The following CSPG4 variants were observed in gnomAD, a reference collection of about 807,000 sequenced individuals.
CSPG4 encodes chondroitin sulfate proteoglycan 4 (melanoma-associated).
Under a neutral mutation model 139.3 loss-of-function variants are expected in CSPG4, and 74 were observed. The ratio of observed to expected loss-of-function variants is 0.53; its 90% CI spans 0.44 to 0.64. The LOEUF (loss-of-function observed/expected upper bound fraction) is 0.64. Ranked by LOEUF, CSPG4 falls within the 30% of genes least tolerant of loss-of-function variation. The pLI is 0.00. For missense variants in CSPG4, 2,565 were observed against 3,148.3 expected (o/e 0.81, Z 4.43); for synonymous variants, 1,234 against 1,394.2 (o/e 0.89, Z 2.56).
At chr15:75,705,235 C>G (rs879486924) in intron 1 of CSPG4, among the ~76,000 whole-genome samples, 3 of 152,220 alleles carry the variant, frequency 2.0e-5, no homozygotes, top group Non-Finnish European at 4.4e-5. Context: ...CCCCTCCCAC[C>G]TTCTGAAGGG....
At position 75,688,811 on chromosome 15, in the gene CSPG4, C is replaced by G; in HGVS notation, c.2254G>C (p.Ala752Pro). Reference protein sequence around the residue: ...RYLSTDPQHHAYDTVENLALE... With the variant: ...RYLSTDPQHHPYDTVENLALE... ...GCCAGGTTCTCCACGGTGTCGTAAG[C>G]GTGGTGCTGTGGGTCAGTGCTCAGG... Residue 752 changes from alanine to proline, a missense_variant, in exon 3 of 10, where the codon GCT becomes CCT. Coordinates refer to ENST00000308508, the MANE Select transcript of CSPG4 (RefSeq NM_001897.5). The G allele has an allele frequency of 5.6e-6, 9 of 1,612,918 alleles. No homozygotes were observed. Among genetic ancestry groups the G allele is most frequent in the Non-Finnish European group, 7.6e-6 (9 of 1,179,950 alleles).
rs1157394691 is a variant in CSPG4, at chr15:75,682,321, T to G, written c.4922A>C (p.Glu1641Ala). ...LFHAQQDSTG[E>A]ALVNFTQAEV... ...TGCCTGAGTGAAGTTCACCAGGGCCTCCCCTGTGCTGTCCTGCTGGGCGTG... is the reference window on the plus strand; with the variant it reads ...TGCCTGAGTGAAGTTCACCAGGGCCGCCCCTGTGCTGTCCTGCTGGGCGTG... Residue 1641 changes from glutamate to alanine, a missense_variant, in exon 8 of 10, where the codon GAG becomes GCG. By Grantham distance (107) the Glu-to-Ala change is moderately radical. Around this residue, in one of 5 missense-constraint regions of CSPG4, gnomAD observed 2,316 missense variants for 2,818.2 expected, o/e 0.82. Coordinates refer to ENST00000308508, the MANE Select transcript of CSPG4 (RefSeq NM_001897.5). 1 of 1,596,648 alleles carries G rather than the reference T, an allele frequency of 6.3e-7. No homozygotes were observed. Among genetic ancestry groups the G allele is most frequent in the South Asian group, 1.1e-5 (1 of 91,004 alleles).
In CSPG4 at chr15:75,687,717, C is replaced by T. The variant is rs1253961728; in HGVS notation, c.3348G>A (p.Ala1116=). Reference sequence around the variant, plus strand: ...GTTCCGAGGCCTGCACCTCCAGCAGCGCAGTGGCCTGGTGTTGCCCGTCGG... The same window carrying T: ...GTTCCGAGGCCTGCACCTCCAGCAGTGCAGTGGCCTGGTGTTGCCCGTCGG... ...QVSDGQHQAT[A]LLEVQASEPY... is the part of the protein sequence containing the mutation. The change falls in exon 3 of 10, where the codon GCG becomes GCA. Residue 1116 remains alanine, a synonymous_variant. Coordinates refer to ENST00000308508, the MANE Select transcript of CSPG4 (RefSeq NM_001897.5). The surrounding 1 kb of genome is among the most constrained non-coding windows in gnomAD (Gnocchi z 5.4). The T allele has an allele frequency of 8.1e-6, 13 of 1,612,760 alleles. No homozygotes were observed. Among genetic ancestry groups the T allele is most frequent in the Admixed American group, 3.3e-5 (2 of 60,004 alleles).
At chr15:75,682,796 C>T in intron 6 of CSPG4, 47 bp downstream of exon 6, 1 of 1,606,854 alleles carries the variant, frequency 6.2e-7, no homozygotes, top group Non-Finnish European at 8.5e-7. Context: ...CATCTCAGGG[C>T]ACCCCCGTGG....
intron 1 of CSPG4, among the ~76,000 whole-genome samples, chr15:75,705,727 G>A (rs1308587517): frequency 2.0e-5 from 3 of 152,164 alleles, no homozygotes; most frequent in Admixed American, 6.5e-5. Context: ...GGAGAGATGG[G>A]GCCTGGGTCA....
chr15:75,687,737 C>A lies in CSPG4; in HGVS notation c.3328G>T (p.Gly1110Trp), dbSNP rs753492681. 6.2e-7 allele frequency: 1 copy of A among 1,612,924 alleles called. No homozygotes were observed. Among genetic ancestry groups the A allele is most frequent in the Admixed American group, 1.7e-5 (1 of 60,016 alleles). The change falls in exon 3 of 10, where the codon GGG becomes TGG. Residue 1110 changes from glycine to tryptophan, a missense_variant. By Grantham distance (184) the Gly-to-Trp change is radical (BLOSUM62 -2). This residue lies in a region of CSPG4 where 2,316 missense variants were observed against 2,818.2 expected (regional missense o/e 0.82). Transcript: ENST00000308508. The surrounding 1 kb of genome is among the most constrained non-coding windows in gnomAD (Gnocchi z 5.4). ...RGWIQLQVSDGQHQATALLEV... is the reference protein window; with the variant it reads ...RGWIQLQVSDWQHQATALLEV... ...AGCAGCGCAGTGGCCTGGTGTTGCC[C>A]GTCGGACACCTGCAGCTGGATCCAG... is the stretch of plus-strand genomic sequence containing the variant.
At position 75,676,211 on chromosome 15, in the gene CSPG4, TCCGTCCTGGCTCGGGGCACGCGGAC is replaced by T; in HGVS notation, c.6283_6307del (p.Val2095SerfsTer113). ...CTCCACCAGCTGGCTGCCCCCGGGC[TCCGTCCTGGCTCGGGGCACGCGGAC>T]CACGCGGCCATGCCGGGGTCCCTCC... On this transcript the variant is annotated frameshift_variant, in exon 10 of 10. Coordinates refer to ENST00000308508, the MANE Select transcript of CSPG4 (RefSeq NM_001897.5). LOFTEE classifies it high-confidence loss of function. 1.9e-6 allele frequency: 3 copies of T among 1,551,958 alleles called. No homozygotes were observed. The highest frequency in any genetic ancestry group is 2.6e-6 in the Non-Finnish European group (3 of 1,155,534).
rs562888138 is a variant in CSPG4 at position 75,684,671 on chromosome 15, C to T, written c.4449+65G>A. On this transcript the variant is annotated intron_variant, in intron 5 of 9. Transcript: ENST00000308508. Reference sequence around the variant, plus strand: ...TCAGAGCTGGGGGAGCTCTGAGCCGCGAAGTAGGGGACGCTGGCCTCTTTC... The same window carrying T: ...TCAGAGCTGGGGGAGCTCTGAGCCGTGAAGTAGGGGACGCTGGCCTCTTTC... The T allele has an allele frequency of 1.2e-4, 188 of 1,513,130 alleles. 4 individuals carry two copies. In the South Asian group the frequency reaches 2.0e-3, roughly 16 times the overall value. The allele number at this position is 1,513,130 out of a possible 1,614,324, so 93.7% of individuals were successfully genotyped here.
At chr15:75,691,852 C>A (rs1453946502) in intron 2 of CSPG4, among the ~76,000 whole-genome samples, 1 of 152,136 alleles carries the variant, frequency 6.6e-6, no homozygotes, top group Non-Finnish European at 1.5e-5. Context: ...AGGGGTGTGG[C>A]ATCATTGTAC....
Position 75,689,760 on chromosome 15 carries a change from G to C in CSPG4, c.1305C>G (p.Ser435Arg), listed in dbSNP as rs566874013. ...FANFTQLLTI[S>R]PLVVAEGGTA... ...TGCCCCCCTCGGCCACCACCAGTGGGCTGATAGTCAGCAGCTGGGTGAAAT... is the reference window on the plus strand; with the variant it reads ...TGCCCCCCTCGGCCACCACCAGTGGCCTGATAGTCAGCAGCTGGGTGAAAT... Residue 435 changes from serine (S) to arginine (R), a missense_variant, in exon 3 of 10, where the codon AGC becomes AGG. Coordinates refer to ENST00000308508, the MANE Select transcript of CSPG4 (RefSeq NM_001897.5). 92 of 1,612,688 alleles carry C rather than the reference G, an allele frequency of 5.7e-5. No homozygotes were observed. The South Asian group carries it at 9.6e-4, about 17-fold the overall frequency.
At position 75,708,378 on chromosome 15, in the gene CSPG4, C is replaced by G. The variant is rs540580192; in HGVS notation, c.88+4290G>C. On this transcript the variant is annotated intron_variant, in intron 1 of 9. Coordinates refer to ENST00000308508, the MANE Select transcript of CSPG4 (RefSeq NM_001897.5). ...CAGCCCTACAGCTATCACCCTACAT[C>G]AGAGACAAAAGTGGCTTCATTGGCA... Among the ~76,000 whole-genome samples, 760 of 129,682 alleles carry G rather than the reference C, an allele frequency of 5.9e-3. 6 individuals carry two copies. Among genetic ancestry groups the G allele is most frequent in the African/African-American group, 0.021 (716 of 33,886 alleles). The allele number at this position is 129,682 out of a possible 152,430, so 85.1% of individuals were successfully genotyped here. A position where few individuals can be genotyped will look rare whatever the true frequency, so the allele number is the denominator to read the frequency against.
intron 4 of CSPG4, 89 bp from the exon 5 acceptor site, chr15:75,685,001 G>A (rs1317546600): frequency 1.4e-5 from 20 of 1,385,260 alleles, no homozygotes; most frequent in South Asian, 7.7e-5. Context: ...ACTCTTTTAG[G>A]GCTTCATTTT....
At position 75,696,137 on chromosome 15, in the gene CSPG4, A is replaced by G. The variant is rs995500080; in HGVS notation, c.89-2904T>C. On this transcript the variant is annotated intron_variant, in intron 1 of 9. Transcript: ENST00000308508. This position sits in a 1 kb window ranked among gnomAD's most constrained non-coding sequence, Gnocchi z 4.2. The stretch of plus-strand genomic sequence containing the variant: ...TGAGCCAGGAGAAGGGGCCCACTTC[A>G]GGCCTCAGTGTCACCATTCTGTAAA... Among the ~76,000 whole-genome samples, 2 of 152,174 alleles carry G rather than the reference A, an allele frequency of 1.3e-5. No homozygotes were observed. The highest frequency in any genetic ancestry group is 4.8e-5 in the African/African-American group (2 of 41,442).
chr15:75,683,797 C>T lies in CSPG4; in HGVS notation c.4450-756G>A, dbSNP rs550578797. Among the ~76,000 whole-genome samples the T allele has an allele frequency of 8.5e-5, 13 of 152,288 alleles. No homozygotes were observed. In the South Asian group the frequency reaches 1.7e-3, roughly 19 times the overall value. On this transcript the variant is annotated intron_variant, in intron 5 of 9. Coordinates refer to ENST00000308508, the MANE Select transcript of CSPG4 (RefSeq NM_001897.5). Reference sequence around the variant, plus strand: ...TTCTGGCATTCCTGGGCTTCCTCCCCCGGCCCCAGGGAGCCCTCAGGCCCA... The same window carrying T: ...TTCTGGCATTCCTGGGCTTCCTCCCTCGGCCCCAGGGAGCCCTCAGGCCCA...
In CSPG4 at chr15:75,687,918, CGA is replaced by C. The variant is rs755054012; in HGVS notation, c.3145_3146del (p.Ser1049GlyfsTer4). On this transcript the variant is annotated frameshift_variant, in exon 3 of 10. Transcript: ENST00000308508. LOFTEE classifies it high-confidence loss of function. The surrounding 1 kb of genome is among the most constrained non-coding windows in gnomAD (Gnocchi z 5.4). ...TDDVAFSDAD[S>X]GFADAQLVLT... ...GCACCAGCTGGGCGTCAGCAAAGCC[CGA>C]GTCAGCATCGCTGAAGGCCACGTCG... 5 of 1,612,834 alleles carry C rather than the reference CGA, an allele frequency of 3.1e-6. No homozygotes were observed. The highest frequency in any genetic ancestry group is 3.4e-6 in the Non-Finnish European group (4 of 1,180,052).
rs1340771628 is a variant in CSPG4, at chr15:75,682,365, G to C, written c.4878C>G (p.Pro1626=). The C allele has an allele frequency of 1.9e-6, 3 of 1,596,888 alleles. No homozygotes were observed. The highest frequency in any genetic ancestry group is 2.5e-6 in the Non-Finnish European group (3 of 1,179,912). The change falls in exon 8 of 10, where the codon CCC becomes CCG. Residue 1626 remains proline, a synonymous_variant. Transcript: ENST00000308508. ...QLLLYRVVRG[P]QLGRLFHAQQ... Reference sequence around the variant, plus strand: ...GGGCGTGGAACAGCCGGCCTAGCTGGGGGCCCCGCACCACACGGTAGAGCA... The same window carrying C: ...GGGCGTGGAACAGCCGGCCTAGCTGCGGGCCCCGCACCACACGGTAGAGCA...
At chr15:75,679,153 A>C in intron 8 of CSPG4, 1 of 183,526 alleles carries the variant, frequency 5.4e-6, no homozygotes, top group Non-Finnish European at 1.1e-5. Flanking sequence ...CCCCAGACTC[A>C]TGTTTCCAGC....
rs192226469 is a variant in CSPG4 at position 75,694,835 on chromosome 15, G to C, written c.89-1602C>G. The stretch of plus-strand genomic sequence containing the variant: ...CTTGGCGCCAGCAAGGGACAGACCA[G>C]GGAACTGCAGGTGGCGGCCACCTAC... On this transcript the variant is annotated intron_variant, in intron 1 of 9. Coordinates refer to ENST00000308508, the MANE Select transcript of CSPG4 (RefSeq NM_001897.5). Among the ~76,000 whole-genome samples, 26 of 152,360 alleles carry C rather than the reference G, an allele frequency of 1.7e-4. No homozygotes were observed. The East Asian group carries it at 4.6e-3, about 27-fold the overall frequency.
chr15:75,688,327 C>A lies in CSPG4; in HGVS notation c.2738G>T (p.Gly913Val). Reference sequence around the variant, plus strand: ...GTGGTCAGCAGAGAGGACACCCTCACCACCCTCAGGCACCACGAGGAGGAC... The same window carrying A: ...GTGGTCAGCAGAGAGGACACCCTCAACACCCTCAGGCACCACGAGGAGGAC... ...TNVLLVVPEG[G>V]EGVLSADHLF... The change falls in exon 3 of 10, where the codon GGT (glycine) becomes GTT (valine). Residue 913 changes from glycine (G) to valine (V), a missense_variant. By Grantham distance (109) the Gly-to-Val change is moderately radical (BLOSUM62 -3). Around this residue, in one of 5 missense-constraint regions of CSPG4, gnomAD observed 2,316 missense variants for 2,818.2 expected, o/e 0.82. Transcript: ENST00000308508. 6.2e-7 allele frequency: 1 copy of A among 1,613,244 alleles called. No homozygotes were observed. Among genetic ancestry groups the A allele is most frequent in the Non-Finnish European group, 8.5e-7 (1 of 1,180,036 alleles).
Sources: gnomAD v4.1 joint callset for allele counts (sites outside exome capture counted in the v4.1 genomes callset) on GRCh38, gnomAD v4.1.1 for gene constraint, gnomAD v4.1.1 regional missense constraint, Gnocchi (gnomAD v3.1) non-coding constraint, MANE v1.5 for transcripts, NCBI Gene and HGNC (gene_info 2026-07-23, HGNC 2026-07-21) for gene names.